Variants in PTPN4 observed in about 807,000 individuals in gnomAD.
PTPN4 encodes tyrosine-protein phosphatase non-receptor type 4.
In PTPN4, 49 loss-of-function variants were observed where a neutral mutation model predicts 135.5. The observed-to-expected ratio is 0.36, with a 90% CI of 0.29 to 0.46. The LOEUF (loss-of-function observed/expected upper bound fraction) is 0.46. PTPN4 is among the 20% of genes least tolerant of loss of function. PTPN4 has a pLI of 1.00. For synonymous variants in PTPN4, 333 were observed against 369.9 expected, an observed-to-expected ratio of 0.90 and a Z score of 1.14; for missense variants, 860 against 1,101.0, an observed-to-expected ratio of 0.78 and a Z score of 3.10.
intron 5 of PTPN4, 36 bp from the exon 6 acceptor site, chr2:119,881,750 A>G (rs763157163): frequency 2.8e-6 from 4 of 1,405,950 alleles, no homozygotes; most frequent in Non-Finnish European, 3.9e-6. Context: ...TTACAATTCT[A>G]TTAAATGCTA....
chr2:119,847,619 C>T (rs1677524999), intron 2 of PTPN4, among the ~76,000 whole-genome samples: 1 of 152,164 alleles, frequency 6.6e-6, no homozygotes, highest in Non-Finnish European at 1.5e-5. Flanking sequence ...AGCCACCATG[C>T]CTGGCCAGAG....
chr2:119,814,088 T>C (rs957392084), intron 2 of PTPN4, among the ~76,000 whole-genome samples: 1 of 152,232 alleles, frequency 6.6e-6, no homozygotes, highest in Admixed American at 6.5e-5. Flanking sequence ...TTTTATTTTA[T>C]AAGTGTATGT....
chr2:119,787,006 A>G (rs2104932611), intron 1 of PTPN4, among the ~76,000 whole-genome samples: 1 of 152,340 alleles, frequency 6.6e-6, no homozygotes, highest in Admixed American at 6.5e-5. Context: ...ACCTTTATGC[A>G]GTAGACGTAA....
intron 23 of PTPN4, 67 bp from the exon 24 acceptor site, chr2:119,962,549 T>A: frequency 1.0e-6 from 1 of 968,110 alleles, no homozygotes; most frequent in Admixed American, 4.1e-5. Context: ...AAAACATTTT[T>A]AAAAATTGGA....
intron 1 of PTPN4, among the ~76,000 whole-genome samples, chr2:119,780,589 G>A (rs1690918511): frequency 6.6e-6 from 1 of 152,082 alleles, no homozygotes; most frequent in African/African-American, 2.4e-5. Context: ...ATTTGGATTT[G>A]TCTCATTGTT....
chr2:119,769,988 G>A (rs921373115), intron 1 of PTPN4, among the ~76,000 whole-genome samples: 22 of 152,146 alleles, frequency 1.4e-4, no homozygotes, highest in African/African-American at 4.1e-4. Flanking sequence ...ATACAAACAC[G>A]AATTCTAAGT....
intron 9 of PTPN4, among the ~76,000 whole-genome samples, chr2:119,889,202 G>A (rs1012024884): frequency 1.8e-4 from 28 of 152,224 alleles, no homozygotes; most frequent in South Asian, 1.0e-3. Flanking sequence ...GGCGGATCAC[G>A]AGGTCAGGAG....
chr2:119,793,790 A>G (rs568314785), intron 1 of PTPN4, among the ~76,000 whole-genome samples: 1 of 120,942 alleles, frequency 8.3e-6, no homozygotes, highest in Non-Finnish European at 1.7e-5. Flanking sequence ...AAATCCATGT[A>G]TATTTTGCTT....
At chr2:119,953,353 G>A (rs1487587262) in intron 19 of PTPN4, among the ~76,000 whole-genome samples, 2 of 151,908 alleles carry the variant, frequency 1.3e-5, no homozygotes. Flanking sequence ...TTTCTTTTTT[G>A]TAAACAAAAA....
intron 10 of PTPN4, among the ~76,000 whole-genome samples, chr2:119,903,197 G>C (rs895893207): frequency 1.3e-5 from 2 of 152,120 alleles, no homozygotes; most frequent in Non-Finnish European, 2.9e-5. Flanking sequence ...CCTCAGAGTT[G>C]CCTGCACAGG....
At chr2:119,905,143 T>C (rs1267494574) in intron 10 of PTPN4, among the ~76,000 whole-genome samples, 1 of 152,144 alleles carries the variant, frequency 6.6e-6, no homozygotes, top group Non-Finnish European at 1.5e-5. Context: ...AATAGATCTT[T>C]ACTTAACAAC....
chr2:119,846,448 T>C (rs1301518301), intron 2 of PTPN4, among the ~76,000 whole-genome samples: 2 of 152,332 alleles, frequency 1.3e-5, no homozygotes, highest in East Asian at 3.9e-4. Context: ...AGTATAGCTG[T>C]TCCACCTTCC....
At chr2:119,855,748 A>G (rs1677666989) in intron 2 of PTPN4, among the ~76,000 whole-genome samples, 1 of 152,198 alleles carries the variant, frequency 6.6e-6, no homozygotes, top group African/African-American at 2.4e-5. Context: ...CAAGCATCAT[A>G]CAAGGGTCTG....
chr2:119,830,879 A>G (rs901193867), intron 2 of PTPN4, among the ~76,000 whole-genome samples: 1 of 152,168 alleles, frequency 6.6e-6, no homozygotes, highest in African/African-American at 2.4e-5. Flanking sequence ...TGCCAGCATC[A>G]TGCTTCCTGT....
At chr2:119,824,399 T>TC (rs753693730) in intron 2 of PTPN4, among the ~76,000 whole-genome samples, 3 of 152,214 alleles carry the variant, frequency 2.0e-5, no homozygotes, top group Non-Finnish European at 2.9e-5. Flanking sequence ...CAGGTTGGTC[T>TC]CCAACTCCTG....
chr2:119,907,973 G>C (rs948355484), intron 10 of PTPN4, among the ~76,000 whole-genome samples: 2 of 152,068 alleles, frequency 1.3e-5, no homozygotes, highest in South Asian at 4.1e-4. Flanking sequence ...AGAGTTACAC[G>C]TAAGACCTGA....
intron 2 of PTPN4, among the ~76,000 whole-genome samples, chr2:119,841,989 A>G (rs1360830345): frequency 6.6e-6 from 1 of 152,218 alleles, no homozygotes; most frequent in African/African-American, 2.4e-5. Context: ...TATTCATACC[A>G]GGTTAGTTCA....
chr2:119,937,542 A>T (rs1324862972), intron 15 of PTPN4, among the ~76,000 whole-genome samples: 1 of 152,244 alleles, frequency 6.6e-6, no homozygotes, highest in East Asian at 1.9e-4. Flanking sequence ...AGGCGGCAAC[A>T]GAGAGCTGCA....
At chr2:119,831,632 T>A (rs1018558326) in intron 2 of PTPN4, among the ~76,000 whole-genome samples, 9 of 152,204 alleles carry the variant, frequency 5.9e-5, no homozygotes, top group Admixed American at 1.3e-4. Context: ...TGTTAAACTC[T>A]TTAGCTCTGA....
Sources: allele counts gnomAD v4.1 joint callset (sites outside exome capture counted in the v4.1 genomes callset), GRCh38; gene constraint gnomAD v4.1.1; transcripts MANE v1.5; gene names NCBI Gene and HGNC (gene_info 2026-07-23, HGNC 2026-07-21).